PARD6G: variants seen among roughly 807,000 people sequenced by gnomAD.
PARD6G encodes par-6 family cell polarity regulator gamma.
In PARD6G, 7 loss-of-function variants were observed where a neutral mutation model predicts 10.7. The observed-to-expected ratio is 0.66, with a 90% CI of 0.37 to 1.23. The LOEUF (loss-of-function observed/expected upper bound fraction) is 1.23. PARD6G is among the 50% of genes most tolerant of loss of function. The pLI is 0.02. For missense variants in PARD6G, 548 were observed against 571.8 expected (o/e 0.96, Z 0.42); for synonymous variants, 287 against 269.4 (o/e 1.07, Z -0.64).
chr18:80,177,676 GATAA>G (rs1188728366), intron 2 of PARD6G, among the ~76,000 whole-genome samples: 1 of 142,654 alleles, frequency 7.0e-6, no homozygotes, highest in East Asian at 2.1e-4. Flanking sequence ...ACACACACAG[GATAA>G]ATAGCCGAAA....
rs1265861828 is a variant in PARD6G, at chr18:80,189,922, G to A, written c.295+12788C>T. On this transcript the variant is annotated intron_variant, in intron 2 of 2. Transcript: ENST00000353265. This position sits in a 1 kb window ranked among gnomAD's most constrained non-coding sequence, Gnocchi z 5.5. ...CTACCAAAGAGCTCATTCTCTTAAA[G>A]TGTACAATTCAGTGTTTTTTAGTAT... is the stretch of plus-strand genomic sequence containing the variant. Among the ~76,000 whole-genome samples the A allele has an allele frequency of 6.6e-6, 1 of 152,180 alleles. No homozygotes were observed. The highest frequency in any genetic ancestry group is 2.4e-5 in the African/African-American group (1 of 41,422).
At chr18:80,232,984 T>C (rs976427579) in intron 1 of PARD6G, among the ~76,000 whole-genome samples, 25 of 152,116 alleles carry the variant, frequency 1.6e-4, no homozygotes, top group African/African-American at 5.6e-4. Context: ...CACAGGGACC[T>C]GGGGCTGCTC....
intron 1 of PARD6G, among the ~76,000 whole-genome samples, chr18:80,233,825 C>A (rs1248470234): frequency 2.0e-5 from 3 of 152,198 alleles, no homozygotes; most frequent in Admixed American, 6.5e-5. Flanking sequence ...CACCTTAGAA[C>A]TGACTGATTT....
rs2052856753 is a variant in PARD6G at position 80,183,223 on chromosome 18, T to G, written c.295+19487A>C. On this transcript the variant is annotated intron_variant, in intron 2 of 2. Coordinates refer to ENST00000353265, the MANE Select transcript of PARD6G (RefSeq NM_032510.4). This position sits in a 1 kb window ranked among gnomAD's most constrained non-coding sequence, Gnocchi z 4.5. ...GTGGGAGAGAGAAAGCCAGAGAGACTTCTGCAAAACAAGCTGCAGATAGGC... is the reference window on the plus strand; with the variant it reads ...GTGGGAGAGAGAAAGCCAGAGAGACGTCTGCAAAACAAGCTGCAGATAGGC... 4.3e-6 allele frequency: 3 copies of G among 702,066 alleles called. No individual in the cohort carries two copies. In the African/African-American group the frequency reaches 5.2e-5, roughly 12 times the overall value. The allele number at this position is 702,066 out of a possible 1,614,324, so 43.5% of individuals were successfully genotyped here.
At chr18:80,217,396 T>C (rs1967180658) in intron 1 of PARD6G, among the ~76,000 whole-genome samples, 1 of 152,182 alleles carries the variant, frequency 6.6e-6, no homozygotes, top group South Asian at 2.1e-4. Flanking sequence ...GCACACGGAA[T>C]GTGTTCATTC....
chr18:80,243,220 T>C (rs1568152219), intron 1 of PARD6G, among the ~76,000 whole-genome samples: 1 of 152,210 alleles, frequency 6.6e-6, no homozygotes, highest in Non-Finnish European at 1.5e-5. Context: ...CTTAAGATAC[T>C]GGTTAGTCAT....
Position 80,219,229 on chromosome 18 carries a change from A to T in PARD6G, c.73-16297T>A, listed in dbSNP as rs552561518. 8.3e-5 allele frequency among the ~76,000 whole-genome samples: 9 copies of T among 108,198 alleles called. No individual in the cohort carries two copies. The South Asian group carries it at 1.4e-3, about 17-fold the overall frequency. 71.0% of individuals were successfully genotyped at this position (108,198 alleles called of 152,430 possible). On this transcript the variant is annotated intron_variant, in intron 1 of 2. Coordinates refer to ENST00000353265, the MANE Select transcript of PARD6G (RefSeq NM_032510.4). ...GTTTGTTTGTTTGTTTGTTTGTTTGAGATGAAGTCTTGCTCTTGTCCCAGA... is the reference window on the plus strand; with the variant it reads ...GTTTGTTTGTTTGTTTGTTTGTTTGTGATGAAGTCTTGCTCTTGTCCCAGA...
At position 80,228,638 on chromosome 18, in the gene PARD6G, C is replaced by T. The variant is rs1967323612; in HGVS notation, c.72+18639G>A. Among the ~76,000 whole-genome samples the T allele has an allele frequency of 6.6e-6, 1 of 151,768 alleles. No homozygotes were observed. Among genetic ancestry groups the T allele is most frequent in the Non-Finnish European group, 1.5e-5 (1 of 67,924 alleles). ...CCACCCCCATCCACAGACTGCGCCTCCCACCTAAGGCCCCGCCCACTGAGG... is the reference window on the plus strand; with the variant it reads ...CCACCCCCATCCACAGACTGCGCCTTCCACCTAAGGCCCCGCCCACTGAGG... On this transcript the variant is annotated intron_variant, in intron 1 of 2. Coordinates refer to ENST00000353265, the MANE Select transcript of PARD6G (RefSeq NM_032510.4). This position sits in a 1 kb window ranked among gnomAD's most constrained non-coding sequence, Gnocchi z 4.6.
At chr18:80,216,462 G>T (rs1436032249) in intron 1 of PARD6G, among the ~76,000 whole-genome samples, 1 of 151,916 alleles carries the variant, frequency 6.6e-6, no homozygotes, top group African/African-American at 2.4e-5. Flanking sequence ...ATCAATAAAA[G>T]AAGAAAATGT....
Position 80,183,350 on chromosome 18 carries a change from G to A in PARD6G, c.295+19360C>T, listed in dbSNP as rs902997010. Among the ~76,000 whole-genome samples, 24 of 152,142 alleles carry A rather than the reference G, an allele frequency of 1.6e-4. No individual in the cohort carries two copies. The highest frequency in any genetic ancestry group is 3.1e-4 in the African/African-American group (13 of 41,428). On this transcript the variant is annotated intron_variant, in intron 2 of 2. Coordinates refer to ENST00000353265, the MANE Select transcript of PARD6G (RefSeq NM_032510.4). This position sits in a 1 kb window ranked among gnomAD's most constrained non-coding sequence, Gnocchi z 4.5. Reference sequence around the variant, plus strand: ...GAAAGACAAAAAACCACCAGCATCCGTCTTCTTCCTTTCCAGCCAGACAAC... The same window carrying A: ...GAAAGACAAAAAACCACCAGCATCCATCTTCTTCCTTTCCAGCCAGACAAC...
chr18:80,219,362 C>T (rs1156328583), intron 1 of PARD6G, among the ~76,000 whole-genome samples: 6 of 152,140 alleles, frequency 3.9e-5, no homozygotes, highest in Admixed American at 6.5e-5. Flanking sequence ...GTGCCTGCCA[C>T]CATGCCAAGC....
Position 80,182,465 on chromosome 18 carries a change from G to T in PARD6G, c.295+20245C>A, listed in dbSNP as rs544107993. Among the ~76,000 whole-genome samples, 2 of 152,206 alleles carry T rather than the reference G, an allele frequency of 1.3e-5. No individual in the cohort carries two copies. The highest frequency in any genetic ancestry group is 4.8e-5 in the African/African-American group (2 of 41,458). On this transcript the variant is annotated intron_variant, in intron 2 of 2. Transcript: ENST00000353265. The surrounding 1 kb of genome is among the most constrained non-coding windows in gnomAD (Gnocchi z 4.5). Reference sequence around the variant, plus strand: ...CTTTTACAGATACAAAAATAAACATGTTTGCCTTTGCTTGTTATTGCCAAG... The same window carrying T: ...CTTTTACAGATACAAAAATAAACATTTTTGCCTTTGCTTGTTATTGCCAAG...
Position 80,160,179 on chromosome 18 carries a change from G to A in PARD6G, c.723C>T (p.His241=), listed in dbSNP as rs780312937. ...CGGGCTTGACGGTGACGATGAGGTT[G>A]TGGCTGTTGGCGATCATCATGTCCG... ...QVTDMMIANS[H]NLIVTVKPAN... The change falls in exon 3 of 3, where the codon CAC becomes CAT. Residue 241 remains histidine, a synonymous_variant. Coordinates refer to ENST00000353265, the MANE Select transcript of PARD6G (RefSeq NM_032510.4). The A allele has an allele frequency of 3.7e-6, 6 of 1,613,350 alleles. No homozygotes were observed. Among genetic ancestry groups the A allele is most frequent in the Non-Finnish European group, 5.1e-6 (6 of 1,179,820 alleles).
In PARD6G at chr18:80,212,868, G is replaced by A. The variant is rs572669133; in HGVS notation, c.73-9936C>T. Among the ~76,000 whole-genome samples the A allele has an allele frequency of 2.7e-5, 4 of 150,516 alleles. No homozygotes were observed. The South Asian group carries it at 8.4e-4, about 32-fold the overall frequency. ...CCACTGCACTCCAGCCTGAGCAACA[G>A]AGCGAGACCCCATCTCAAAAAAAAA... On this transcript the variant is annotated intron_variant, in intron 1 of 2. Coordinates refer to ENST00000353265, the MANE Select transcript of PARD6G (RefSeq NM_032510.4).
intron 1 of PARD6G, among the ~76,000 whole-genome samples, chr18:80,244,398 G>A (rs1228535731): frequency 6.6e-6 from 1 of 152,142 alleles, no homozygotes. Context: ...AAGCCACCAG[G>A]TCAAGATCAA....
In PARD6G at chr18:80,160,563, C is replaced by T. The variant is rs1006841856; in HGVS notation, c.339G>A (p.Arg113=). The change falls in exon 3 of 3, where the codon AGG becomes AGA. Residue 113 remains arginine (R), a synonymous_variant. Transcript: ENST00000353265. ...RGSLGAGSLC[R]RRRALGALRD... is the part of the protein sequence containing the mutation. ...GCAGCGCGCCCAGCGCCCGCCTCCG[C>T]CTGCACAGCGAGCCCGCGCCGAGGC... is the stretch of plus-strand genomic sequence containing the variant. The T allele has an allele frequency of 6.8e-7, 1 of 1,475,180 alleles. No homozygotes were observed. Among genetic ancestry groups the T allele is most frequent in the African/African-American group, 1.4e-5 (1 of 70,672 alleles). The allele number at this position is 1,475,180 out of a possible 1,614,324, so 91.4% of individuals were successfully genotyped here.
chr18:80,221,324 C>T (rs1034521301), intron 1 of PARD6G, among the ~76,000 whole-genome samples: 2 of 152,130 alleles, frequency 1.3e-5, no homozygotes, highest in African/African-American at 4.8e-5. Context: ...AGAATACTAG[C>T]ACACCATATC....
rs1454458166 is a variant in PARD6G, at chr18:80,175,070, A to G, written c.296-14464T>C. 6.6e-6 allele frequency among the ~76,000 whole-genome samples: 1 copy of G among 152,242 alleles called. No homozygotes were observed. Among genetic ancestry groups the G allele is most frequent in the Non-Finnish European group, 1.5e-5 (1 of 68,026 alleles). On this transcript the variant is annotated intron_variant, in intron 2 of 2. Coordinates refer to ENST00000353265, the MANE Select transcript of PARD6G (RefSeq NM_032510.4). The surrounding 1 kb of genome is among the most constrained non-coding windows in gnomAD (Gnocchi z 6.7). ...GAGGCCAGGCTGGGATCAGAAGACT[A>G]AACAGACTGGAGAAAATGGATTAAA...
chr18:80,180,720 G>A lies in PARD6G; in HGVS notation c.296-20114C>T, dbSNP rs778479609. Reference sequence around the variant, plus strand: ...CAGGCTCTTGGGTCCCCTCATACAAGCTTTGTCAGGGGGCCGGACGTCCAC... The same window carrying A: ...CAGGCTCTTGGGTCCCCTCATACAAACTTTGTCAGGGGGCCGGACGTCCAC... On this transcript the variant is annotated intron_variant, in intron 2 of 2. Coordinates refer to ENST00000353265, the MANE Select transcript of PARD6G (RefSeq NM_032510.4). This position sits in a 1 kb window ranked among gnomAD's most constrained non-coding sequence, Gnocchi z 5.6. 6.6e-6 allele frequency among the ~76,000 whole-genome samples: 1 copy of A among 152,150 alleles called. No individual in the cohort carries two copies. The highest frequency in any genetic ancestry group is 1.5e-5 in the Non-Finnish European group (1 of 68,028).
Sources: gnomAD v4.1 joint callset for allele counts (sites outside exome capture counted in the v4.1 genomes callset) on GRCh38, gnomAD v4.1.1 for gene constraint, Gnocchi (gnomAD v3.1) non-coding constraint, MANE v1.5 for transcripts, NCBI Gene and HGNC (gene_info 2026-07-23, HGNC 2026-07-21) for gene names.